CRISPLD2: variants seen among roughly 807,000 people sequenced by gnomAD.
CRISPLD2 encodes the protein cysteine rich secretory protein LCCL domain containing 2.
In CRISPLD2, 47 loss-of-function variants were observed where a neutral mutation model predicts 71.1. The ratio of observed to expected loss-of-function variants is 0.66; its 90% CI spans 0.52 to 0.84. The LOEUF (loss-of-function observed/expected upper bound fraction) is 0.84, where lower values mean the gene tolerates loss of function less well. Ranked by LOEUF, CRISPLD2 falls within the 40% of genes least tolerant of loss-of-function variation. The pLI, the probability that CRISPLD2 is intolerant of heterozygous loss-of-function variation, is 0.00. For missense variants in CRISPLD2, 830 were observed against 651.1 expected (o/e 1.27, Z -2.99); for synonymous variants, 317 against 250.1 (o/e 1.27, Z -2.52).
intron 1 of CRISPLD2, among the ~76,000 whole-genome samples, chr16:84,837,644 C>T (rs1032176813): frequency 1.3e-5 from 2 of 152,168 alleles, no homozygotes; most frequent in African/African-American, 4.8e-5. Flanking sequence ...GTCTCGATCT[C>T]CTGACCTTGT....
intron 6 of CRISPLD2, among the ~76,000 whole-genome samples, chr16:84,864,743 A>C (rs1449625649): frequency 6.6e-6 from 1 of 152,212 alleles, no homozygotes; most frequent in Non-Finnish European, 1.5e-5. Flanking sequence ...GGTGTGAGGC[A>C]GGCTGGCCCC....
chr16:84,884,530 A>G lies in CRISPLD2; in HGVS notation c.1305+3946A>G, dbSNP rs183127610. On this transcript the variant is annotated intron_variant, in intron 13 of 14. Transcript: ENST00000262424. ...TTGGTTACCAGCTTCATGGATGTCA[A>G]TTGTTAGTAAATACTCAGGTATTCC... Among the ~76,000 whole-genome samples, 181 of 152,328 alleles carry G rather than the reference A, an allele frequency of 1.2e-3. 1 individual carries two copies. The highest frequency in any genetic ancestry group is 3.1e-3 in the African/African-American group (130 of 41,568).
intron 2 of CRISPLD2, among the ~76,000 whole-genome samples, chr16:84,844,622 C>A (rs1916861722): frequency 6.6e-6 from 1 of 152,130 alleles, no homozygotes; most frequent in African/African-American, 2.4e-5. Context: ...CTCAGCCTCG[C>A]AAAGTTCTGG....
intron 2 of CRISPLD2, among the ~76,000 whole-genome samples, chr16:84,840,901 G>A (rs567126978): frequency 6.6e-6 from 1 of 152,236 alleles, no homozygotes; most frequent in African/African-American, 2.4e-5. Context: ...CCACATACCT[G>A]ATATTTAATC....
chr16:84,866,972 A>G lies in CRISPLD2; in HGVS notation c.785A>G (p.His262Arg), dbSNP rs1917556494. The G allele has an allele frequency of 6.2e-7, 1 of 1,613,940 alleles. No individual in the cohort carries two copies. Among genetic ancestry groups the G allele is most frequent in the South Asian group, 1.1e-5 (1 of 91,080 alleles). ...ACGGCTCCCATTCCTGAAGAAAACCATGTTTGGCTCCAACCGAGGGTGATG... is the reference window on the plus strand; with the variant it reads ...ACGGCTCCCATTCCTGAAGAAAACCGTGTTTGGCTCCAACCGAGGGTGATG... ...VETAPIPEEN[H>R]VWLQPRVMRP... The change falls in exon 7 of 15, where the codon CAT (histidine) becomes CGT (arginine). Residue 262 changes from histidine (H) to arginine (R), a missense_variant. Coordinates refer to ENST00000262424, the MANE Select transcript of CRISPLD2 (RefSeq NM_031476.4).
rs149025682 is a variant in CRISPLD2 at position 84,889,298 on chromosome 16, C to A, written c.1374C>A (p.Asp458Glu). ...GCAACGAGAGTGGGGGTGACGTGGACGTGATGCCCGTGGATAAAAAGAAGA... is the reference window on the plus strand; with the variant it reads ...GCAACGAGAGTGGGGGTGACGTGGAAGTGATGCCCGTGGATAAAAAGAAGA... ...VISNESGGDV[D>E]VMPVDKKKTY... Residue 458 changes from aspartate to glutamate, a missense_variant, in exon 14 of 15, where the codon GAC becomes GAA. By Grantham distance (45) the Asp-to-Glu change is conservative (BLOSUM62 2). Coordinates refer to ENST00000262424, the MANE Select transcript of CRISPLD2 (RefSeq NM_031476.4). The A allele has an allele frequency of 1.2e-6, 2 of 1,613,894 alleles. No individual in the cohort carries two copies. The highest frequency in any genetic ancestry group is 1.7e-6 in the Non-Finnish European group (2 of 1,179,996).
At position 84,906,757 on chromosome 16, in the gene CRISPLD2, G is replaced by T. The variant is rs200918687; in HGVS notation, c.*115G>T. On this transcript the variant is annotated 3_prime_UTR_variant, in exon 15 of 15. Coordinates refer to ENST00000262424, the MANE Select transcript of CRISPLD2 (RefSeq NM_031476.4). ...AGTCAGGAAACTTCCTTTGACTGAT[G>T]TTCAGTGTCCATCACTTTGTGGCCT... The T allele has an allele frequency of 8.5e-7, 1 of 1,174,922 alleles. No individual in the cohort carries two copies. The highest frequency in any genetic ancestry group is 1.3e-6 in the Non-Finnish European group (1 of 787,314). The allele number at this position is 1,174,922 out of a possible 1,614,324, so 72.8% of individuals were successfully genotyped here. A position where few individuals can be genotyped will look rare whatever the true frequency, so the allele number is the denominator to read the frequency against.
Position 84,882,854 on chromosome 16 carries a change from T to C in CRISPLD2, c.1305+2270T>C, listed in dbSNP as rs540241744. Among the ~76,000 whole-genome samples, 7 of 152,354 alleles carry C rather than the reference T, an allele frequency of 4.6e-5. No homozygotes were observed. In the East Asian group the frequency reaches 1.2e-3, roughly 25 times the overall value. ...CCACACAGTGAGCACGTGGCAAAGG[T>C]GACAAACAGGTGAACATGTGTCCGG... is the stretch of plus-strand genomic sequence containing the variant. On this transcript the variant is annotated intron_variant, in intron 13 of 14. Coordinates refer to ENST00000262424, the MANE Select transcript of CRISPLD2 (RefSeq NM_031476.4).
intron 8 of CRISPLD2, among the ~76,000 whole-genome samples, chr16:84,871,430 T>G (rs539031813): frequency 6.6e-6 from 1 of 151,180 alleles, no homozygotes; most frequent in South Asian, 2.2e-4. Context: ...TCCCAGCTAC[T>G]TGGGAGACTG....
chr16:84,860,696 A>T (rs1189586322), intron 6 of CRISPLD2, among the ~76,000 whole-genome samples: 1 of 152,198 alleles, frequency 6.6e-6, no homozygotes, highest in Admixed American at 6.5e-5. Context: ...CCCTAGCTTC[A>T]GCAGGGTCCT....
chr16:84,854,142 GC>G (rs965571057), intron 5 of CRISPLD2, among the ~76,000 whole-genome samples: 2 of 152,182 alleles, frequency 1.3e-5, no homozygotes, highest in African/African-American at 2.4e-5. Flanking sequence ...TCCCAGCCCC[GC>G]CACTTGCTTG....
chr16:84,903,777 T>A (rs2071776601), intron 14 of CRISPLD2, among the ~76,000 whole-genome samples: 1 of 152,118 alleles, frequency 6.6e-6, no homozygotes, highest in Admixed American at 6.6e-5. Flanking sequence ...AACAGCTGTT[T>A]CAGGACTCCA....
At chr16:84,858,900 G>GGCA (rs1267871899) in intron 6 of CRISPLD2, among the ~76,000 whole-genome samples, 1 of 151,132 alleles carries the variant, frequency 6.6e-6, no homozygotes, top group African/African-American at 2.5e-5. Flanking sequence ...TGCAATTGGA[G>GGCA]TCACCACTTG....
At chr16:84,825,275 G>A (rs554388717) in intron 1 of CRISPLD2, among the ~76,000 whole-genome samples, 16 of 149,430 alleles carry the variant, frequency 1.1e-4, no homozygotes, top group Admixed American at 5.3e-4. Context: ...CAGAGTGGGG[G>A]CCAGCAGCCA....
At chr16:84,842,754 G>T (rs1916809766) in intron 2 of CRISPLD2, among the ~76,000 whole-genome samples, 1 of 152,124 alleles carries the variant, frequency 6.6e-6, no homozygotes, top group Non-Finnish European at 1.5e-5. Flanking sequence ...TGCTTTATGA[G>T]AAATGAAAGG....
intron 1 of CRISPLD2, among the ~76,000 whole-genome samples, chr16:84,837,615 C>T (rs1916656042): frequency 7.7e-6 from 1 of 130,644 alleles, no homozygotes; most frequent in Non-Finnish European, 1.8e-5. Flanking sequence ...GACAGGGTTT[C>T]ATCGTGTTAG....
intron 11 of CRISPLD2, among the ~76,000 whole-genome samples, chr16:84,875,222 C>G (rs772675088): frequency 4.0e-5 from 6 of 151,640 alleles, no homozygotes; most frequent in Non-Finnish European, 8.8e-5. Context: ...GCCTGGGTGA[C>G]AGAGCAAGAC....
chr16:84,883,546 T>C (rs1198507831), intron 13 of CRISPLD2, among the ~76,000 whole-genome samples: 1 of 152,178 alleles, frequency 6.6e-6, no homozygotes, highest in Non-Finnish European at 1.5e-5. Flanking sequence ...TGTGCACATA[T>C]CAGAATCCAC....
At chr16:84,881,304 C>G (rs2071566706) in intron 13 of CRISPLD2, among the ~76,000 whole-genome samples, 1 of 152,228 alleles carries the variant, frequency 6.6e-6, no homozygotes, top group African/African-American at 2.4e-5. Context: ...TACAGACCAC[C>G]CTAATTTACT....
Sources: allele counts gnomAD v4.1 joint callset (sites outside exome capture counted in the v4.1 genomes callset), GRCh38; gene constraint gnomAD v4.1.1; transcripts MANE v1.5; gene names NCBI Gene and HGNC (gene_info 2026-07-23, HGNC 2026-07-21).